Variants in CSMD2 observed in about 807,000 individuals in gnomAD.
CSMD2 encodes CUB and sushi domain-containing protein 2.
Under a neutral mutation model 398.5 loss-of-function variants are expected in CSMD2, and 130 were observed. The ratio of observed to expected loss-of-function variants is 0.33; its 90% CI spans 0.28 to 0.38. The LOEUF (loss-of-function observed/expected upper bound fraction) is 0.38, where lower values mean the gene tolerates loss of function less well. CSMD2 is among the 10% of genes least tolerant of loss of function. CSMD2 has a pLI of 1.00. For missense variants in CSMD2, 3,829 were observed against 4,764.9 expected, an observed-to-expected ratio of 0.80 and a Z score of 5.78; for synonymous variants, 1,828 against 1,908.5, an observed-to-expected ratio of 0.96 and a Z score of 1.10.
intron 29 of CSMD2, among the ~76,000 whole-genome samples, chr1:33,640,747 G>A (rs959263082): frequency 1.3e-5 from 2 of 152,178 alleles, no homozygotes; most frequent in Admixed American, 6.5e-5. Context: ...TATCTTATAT[G>A]CTTATATATT....
At chr1:34,077,995 A>G (rs2625687) in intron 2 of CSMD2, among the ~76,000 whole-genome samples, 49,652 of 151,678 alleles carry the variant, frequency 0.33, 8,249 homozygotes, top group Admixed American at 0.41. Flanking sequence ...TACTCATGAA[A>G]TTTTTTTTTA....
chr1:33,560,348 T>G (rs976744193), intron 53 of CSMD2, among the ~76,000 whole-genome samples: 3 of 152,200 alleles, frequency 2.0e-5, no homozygotes, highest in Non-Finnish European at 4.4e-5. Flanking sequence ...ACTATTTTGT[T>G]CAGACATGAG....
At chr1:33,742,341 G>A (rs1462700418) in intron 14 of CSMD2, among the ~76,000 whole-genome samples, 2 of 152,232 alleles carry the variant, frequency 1.3e-5, no homozygotes, top group African/African-American at 4.8e-5. Flanking sequence ...TGCCAACGGT[G>A]GGAATGGGGG....
chr1:33,525,904 G>A (rs1018485389), intron 65 of CSMD2, among the ~76,000 whole-genome samples: 16 of 152,070 alleles, frequency 1.1e-4, no homozygotes, highest in African/African-American at 2.4e-4. Flanking sequence ...GGCTGGTCTC[G>A]AACTCCTGAC....
intron 3 of CSMD2, among the ~76,000 whole-genome samples, chr1:33,997,624 C>T (rs1046512204): frequency 2.6e-5 from 4 of 152,096 alleles, no homozygotes; most frequent in Admixed American, 6.5e-5. Context: ...GGTCTTAAAA[C>T]CCATTAGGAG....
intron 2 of CSMD2, among the ~76,000 whole-genome samples, chr1:34,070,462 G>A (rs1370560491): frequency 1.3e-5 from 2 of 152,162 alleles, no homozygotes; most frequent in African/African-American, 4.8e-5. Flanking sequence ...CACCTTCTTA[G>A]CATAGGGCTT....
chr1:33,669,762 G>A (rs1257494012), intron 25 of CSMD2, among the ~76,000 whole-genome samples: 1 of 152,154 alleles, frequency 6.6e-6, no homozygotes. Flanking sequence ...GATTAGGGTG[G>A]GCCGTAAATC....
At chr1:33,674,907 C>A (rs1027497299) in intron 25 of CSMD2, among the ~76,000 whole-genome samples, 1 of 152,086 alleles carries the variant, frequency 6.6e-6, no homozygotes, top group African/African-American at 2.4e-5. Flanking sequence ...TCTTTGAAAC[C>A]AATGAGAACA....
Position 34,164,278 on chromosome 1 carries a change from G to C in CSMD2, c.187+633C>G, listed in dbSNP as rs1641653022. 6.6e-6 allele frequency among the ~76,000 whole-genome samples: 1 copy of C among 152,054 alleles called. No homozygotes were observed. Among genetic ancestry groups the C allele is most frequent in the South Asian group, 2.1e-4 (1 of 4,828 alleles). The stretch of plus-strand genomic sequence containing the variant: ...TGCACCCTCCTGCAAGGAATGCGCG[G>C]GACCCCCACCGTGGGCACGCGTCCA... On this transcript the variant is annotated intron_variant, in intron 1 of 70. Coordinates refer to ENST00000373381, the MANE Select transcript of CSMD2 (RefSeq NM_001281956.2). This position sits in a 1 kb window ranked among gnomAD's most constrained non-coding sequence, Gnocchi z 6.2.
intron 3 of CSMD2, among the ~76,000 whole-genome samples, chr1:34,013,547 G>T (rs1050840559): frequency 1.3e-5 from 2 of 152,146 alleles, no homozygotes; most frequent in Non-Finnish European, 2.9e-5. Flanking sequence ...GCAGGGGCTA[G>T]GTCTCCTTTG....
At chr1:33,616,458 G>A (rs964908984) in intron 39 of CSMD2, among the ~76,000 whole-genome samples, 2 of 152,116 alleles carry the variant, frequency 1.3e-5, no homozygotes, top group Admixed American at 1.3e-4. Context: ...GGCTGGTCTC[G>A]AACTCCTGAC....
intron 1 of CSMD2, among the ~76,000 whole-genome samples, chr1:34,148,185 A>C (rs1639956014): frequency 6.6e-6 from 1 of 152,218 alleles, no homozygotes; most frequent in Non-Finnish European, 1.5e-5. Flanking sequence ...TAATCGGCTC[A>C]TTCTTACTAA....
intron 25 of CSMD2, among the ~76,000 whole-genome samples, chr1:33,663,924 A>C (rs538739486): frequency 1.3e-5 from 2 of 152,242 alleles, no homozygotes; most frequent in Non-Finnish European, 1.5e-5. Context: ...TATTGCTAAC[A>C]TCTTACATTT....
intron 1 of CSMD2, among the ~76,000 whole-genome samples, chr1:34,097,160 G>A (rs71647963): frequency 0.24 from 34,924 of 145,464 alleles, 4,089 homozygotes; most frequent in Admixed American, 0.33. Context: ...AAGCAATGGG[G>A]AAAGGATTCC....
Position 33,652,246 on chromosome 1 carries a change from C to T in CSMD2, c.4586+77G>A, listed in dbSNP as rs1361221316. The T allele has an allele frequency of 1.1e-5, 17 of 1,491,294 alleles. No individual in the cohort carries two copies. The South Asian group carries it at 1.7e-4, about 15-fold the overall frequency. 92.4% of individuals were successfully genotyped at this position (1,491,294 alleles called of 1,614,324 possible). On this transcript the variant is annotated intron_variant, in intron 28 of 70. Transcript: ENST00000373381. ...GAACTCTGCTACAGACCTGTGAATA[C>T]TCACCTGGAGACCCAGGTCCCAGAG...
At chr1:33,774,532 G>A (rs193029482) in intron 12 of CSMD2, among the ~76,000 whole-genome samples, 1 of 152,170 alleles carries the variant, frequency 6.6e-6, no homozygotes. Flanking sequence ...GGATGCGAGA[G>A]CCTGGGGTGT....
chr1:33,881,821 TCA>T (rs1441947890), intron 5 of CSMD2, among the ~76,000 whole-genome samples: 1 of 152,196 alleles, frequency 6.6e-6, no homozygotes, highest in Non-Finnish European at 1.5e-5. Flanking sequence ...AACTACATAT[TCA>T]GTTTTGTATA....
intron 39 of CSMD2, among the ~76,000 whole-genome samples, chr1:33,616,544 ATCATTTC>A (rs1641400245): frequency 6.6e-6 from 1 of 152,114 alleles, no homozygotes; most frequent in South Asian, 2.1e-4. Context: ...GGCCAACCTC[ATCATTTC>A]TTTATTAGAT....
intron 23 of CSMD2, among the ~76,000 whole-genome samples, 175 bp downstream of exon 23, chr1:33,700,342 T>C (rs551954719): frequency 6.6e-6 from 1 of 152,232 alleles, no homozygotes; most frequent in African/African-American, 2.4e-5. Flanking sequence ...GCTATTCCAT[T>C]GTATGAACAT....
Sources: allele counts gnomAD v4.1 joint callset (sites outside exome capture counted in the v4.1 genomes callset), GRCh38; gene constraint gnomAD v4.1.1; non-coding constraint Gnocchi (gnomAD v3.1); transcripts MANE v1.5; gene names NCBI Gene and HGNC (gene_info 2026-07-23, HGNC 2026-07-21).